ZNF593OS: variants seen among roughly 807,000 people sequenced by gnomAD.
ZNF593OS encodes transmembrane protein ZNF593OS.
chr1:26,169,746 G>A (rs548451311), downstream of ZNF593OS: 16 of 513,972 alleles, frequency 3.1e-5, no homozygotes, highest in East Asian at 5.2e-4. Context: ...GAGGGCCCGC[G>A]GGGCCATGCC....
rs1390793942 is a variant in ZNF593OS at position 26,170,875 on chromosome 1, T to A, written c.*314A>T. The A allele has an allele frequency of 3.2e-6, 3 of 937,988 alleles. No individual in the cohort carries two copies. In the East Asian group the frequency reaches 7.9e-5, roughly 25 times the overall value. The allele number at this position is 937,988 out of a possible 1,614,324, so 58.1% of individuals were successfully genotyped here. ...AATAAAGGAACTGGACAAAGAGAACTTGCCTCCAACTCTAACTTCCAGGCC... is the reference window on the plus strand; with the variant it reads ...AATAAAGGAACTGGACAAAGAGAACATGCCTCCAACTCTAACTTCCAGGCC... On this transcript the variant is annotated 3_prime_UTR_variant, in exon 2 of 2. Transcript: ENST00000648649.
chr1:26,170,032 C>T (rs1355831753), downstream of ZNF593OS: 4 of 1,571,962 alleles, frequency 2.5e-6, no homozygotes, highest in Non-Finnish European at 2.6e-6. Flanking sequence ...CTCTCTAGCC[C>T]GGCAGATGAA....
chr1:26,169,852 C>A, downstream of ZNF593OS: 1 of 992,544 alleles, frequency 1.0e-6, no homozygotes, highest in Non-Finnish European at 1.4e-6. Context: ...AGAGTGACGT[C>A]ATCAGAGGCG....
chr1:26,171,496 T>A lies in ZNF593OS; in HGVS notation c.45+121A>T. Reference sequence around the variant, plus strand: ...AATCCCTTTCGCCTCACTGCCCATCTGGGCCTGCCTGCTCAGGCGGCAGGG... The same window carrying A: ...AATCCCTTTCGCCTCACTGCCCATCAGGGCCTGCCTGCTCAGGCGGCAGGG... On this transcript the variant is annotated intron_variant, in intron 1 of 1. Coordinates refer to ENST00000648649, the Ensembl canonical transcript of ZNF593OS. This position sits in a 1 kb window ranked among gnomAD's most constrained non-coding sequence, Gnocchi z 5.5. 1 of 398,628 alleles carries A rather than the reference T, an allele frequency of 2.5e-6. No homozygotes were observed. 24.7% of individuals were successfully genotyped at this position (398,628 alleles called of 1,614,324 possible).
At chr1:26,170,342 A>C, downstream of ZNF593OS, 1 of 1,547,168 alleles carries the variant, frequency 6.5e-7, no homozygotes, top group Non-Finnish European at 8.8e-7. Context: ...CGTCAGGGAC[A>C]AGCTAGGGCT....
chr1:26,170,377 C>CT (rs760170444), downstream of ZNF593OS: 22 of 1,587,718 alleles, frequency 1.4e-5, no homozygotes, highest in African/African-American at 2.7e-5. Context: ...ACTTGGGAGA[C>CT]TATCACCTCC....
exon 2 of ZNF593OS, chr1:26,170,552 A>C (rs1023487186): frequency 1.9e-6 from 3 of 1,613,654 alleles, no homozygotes; most frequent in Admixed American, 1.7e-5. Flanking sequence ...TCAGCTCCCA[A>C]CTCCTGTTTT....
chr1:26,170,604 G>A lies in ZNF593OS; in HGVS notation c.*585C>T. The A allele has an allele frequency of 6.2e-7, 1 of 1,613,748 alleles. No homozygotes were observed. Among genetic ancestry groups the A allele is most frequent in the Non-Finnish European group, 8.5e-7 (1 of 1,180,042 alleles). ...AAGCAGCTGAGCGTCGAGCCCTACAGTCAGGAAGAGGCGGAGAGGGCAGCG... is the reference window on the plus strand; with the variant it reads ...AAGCAGCTGAGCGTCGAGCCCTACAATCAGGAAGAGGCGGAGAGGGCAGCG... On this transcript the variant is annotated 3_prime_UTR_variant, in exon 2 of 2. Transcript: ENST00000648649.
exon 2 of ZNF593OS, chr1:26,170,833 C>T (rs887314791): frequency 1.5e-6 from 2 of 1,294,838 alleles, no homozygotes; most frequent in Non-Finnish European, 2.1e-6. Context: ...AGGGCCTCTT[C>T]TTGGTGCCCT....
downstream of ZNF593OS, chr1:26,170,302 C>G (rs768502094): frequency 1.3e-6 from 2 of 1,522,452 alleles, no homozygotes; most frequent in Non-Finnish European, 1.8e-6. Context: ...TGGGTCCGCC[C>G]GCCTCCCGTT....
downstream of ZNF593OS, chr1:26,170,467 G>T (rs2088479141): frequency 5.0e-6 from 8 of 1,614,082 alleles, no homozygotes; most frequent in South Asian, 7.7e-5. Context: ...CCGATCCAAA[G>T]ACCACAAGAA....
At chr1:26,169,884 C>G (rs1569860003), downstream of ZNF593OS, 4 of 1,286,664 alleles carry the variant, frequency 3.1e-6, no homozygotes, top group African/African-American at 1.6e-5. Context: ...CCTGCCTAGC[C>G]CCCCGGCGTG....
At chr1:26,169,973 T>C, downstream of ZNF593OS, 1 of 1,535,348 alleles carries the variant, frequency 6.5e-7, no homozygotes, top group Non-Finnish European at 8.7e-7. Flanking sequence ...CCGGCCGGGC[T>C]GTTTCTGGCC....
At chr1:26,170,417 G>C, downstream of ZNF593OS, 2 of 1,613,716 alleles carry the variant, frequency 1.2e-6, no homozygotes, top group Non-Finnish European at 1.7e-6. Flanking sequence ...CATTCCTACA[G>C]GAGGTACTTC....
At position 26,171,039 on chromosome 1, in the gene ZNF593OS, C is replaced by T. The variant is rs1263328588; in HGVS notation, c.*150G>A. ...CTGAACTGGAGCACCCAGATGGAGGCCTGATGCAGTGTGGGGTGGCGGGAG... is the reference window on the plus strand; with the variant it reads ...CTGAACTGGAGCACCCAGATGGAGGTCTGATGCAGTGTGGGGTGGCGGGAG... On this transcript the variant is annotated 3_prime_UTR_variant, in exon 2 of 2. Coordinates refer to ENST00000648649, the Ensembl canonical transcript of ZNF593OS. The surrounding 1 kb of genome is among the most constrained non-coding windows in gnomAD (Gnocchi z 5.5). 3.9e-6 allele frequency: 2 copies of T among 508,702 alleles called. No individual in the cohort carries two copies. The highest frequency in any genetic ancestry group is 3.5e-5 in the Admixed American group (1 of 28,276). The allele number at this position is 508,702 out of a possible 1,614,324, so 31.5% of individuals were successfully genotyped here. A position where few individuals can be genotyped will look rare whatever the true frequency, so the allele number is the denominator to read the frequency against.
At chr1:26,169,961 G>T (rs756821693), downstream of ZNF593OS, 11 of 1,525,696 alleles carry the variant, frequency 7.2e-6, no homozygotes, top group African/African-American at 1.4e-5. Flanking sequence ...CTGGCCCCTT[G>T]GCCGGCCGGG....
At chr1:26,170,450 C>G (rs2088478514), downstream of ZNF593OS, 1 of 1,614,080 alleles carries the variant, frequency 6.2e-7, no homozygotes, top group African/African-American at 1.3e-5. Context: ...AACCTGAAGA[C>G]CCACTTCCGA....
downstream of ZNF593OS, chr1:26,170,095 C>T: frequency 1.3e-6 from 2 of 1,570,890 alleles, 1 homozygote; most frequent in South Asian, 2.3e-5. Flanking sequence ...GCTGCGGCCT[C>T]AGGGATCCGC....
At position 26,170,611 on chromosome 1, in the gene ZNF593OS, A is replaced by G. The variant is rs781249035; in HGVS notation, c.*578T>C. 3.1e-6 allele frequency: 5 copies of G among 1,613,674 alleles called. No individual in the cohort carries two copies. In the Admixed American group the frequency reaches 8.3e-5, roughly 27 times the overall value. On this transcript the variant is annotated 3_prime_UTR_variant, in exon 2 of 2. Transcript: ENST00000648649. Reference sequence around the variant, plus strand: ...TGAGCGTCGAGCCCTACAGTCAGGAAGAGGCGGAGAGGGCAGCGGGTATGG... The same window carrying G: ...TGAGCGTCGAGCCCTACAGTCAGGAGGAGGCGGAGAGGGCAGCGGGTATGG...
Sources: allele counts gnomAD v4.1 joint callset, GRCh38; gene constraint gnomAD v4.1.1; non-coding constraint Gnocchi (gnomAD v3.1); transcripts MANE v1.5; gene names NCBI Gene and HGNC (gene_info 2026-07-23, HGNC 2026-07-21).